The following GABRB1 variants were observed in gnomAD, a reference collection of about 807,000 sequenced individuals.
GABRB1 encodes the protein gamma-aminobutyric acid type A receptor subunit beta1, also known as gamma-aminobutyric acid receptor subunit beta-1.
In GABRB1, 17 loss-of-function variants were observed where a neutral mutation model predicts 51.6. That is an observed-to-expected ratio of 0.33 (90% CI 0.23 to 0.49). The LOEUF (loss-of-function observed/expected upper bound fraction) is 0.49, where lower values mean the gene tolerates loss of function less well. Among genes scored for constraint, GABRB1 ranks in the 20% least tolerant of loss-of-function variants. The pLI, the probability that GABRB1 is intolerant of heterozygous loss-of-function variation, is 0.99. For missense variants in GABRB1, 410 were observed against 600.6 expected (o/e 0.68, Z 3.32); for synonymous variants, 247 against 218.9 (o/e 1.13, Z -1.14).
Position 47,329,535 on chromosome 4 carries a change from G to A in GABRB1, c.544+9326G>A, listed in dbSNP as rs533626485. Among the ~76,000 whole-genome samples, 194 of 148,234 alleles carry A rather than the reference G, an allele frequency of 1.3e-3. 1 individual carries two copies. The highest frequency in any genetic ancestry group is 4.4e-3 in the African/African-American group (179 of 40,772). ...ATATTTTTAGAAATGTATACATTTA[G>A]AAATATATATATATTTAGAATAGAA... On this transcript the variant is annotated intron_variant, in intron 5 of 8. Coordinates refer to ENST00000295454, the MANE Select transcript of GABRB1 (RefSeq NM_000812.4).
At chr4:47,024,113 TTTG>T (rs1338267707) in intron 1 of GABRB1, among the ~76,000 whole-genome samples, 5 of 151,960 alleles carry the variant, frequency 3.3e-5, no homozygotes, top group African/African-American at 7.2e-5. Flanking sequence ...AATCTTAGTT[TTTG>T]TTGTTGTTTT....
intron 4 of GABRB1, among the ~76,000 whole-genome samples, chr4:47,250,662 T>A (rs1262353453): frequency 6.6e-6 from 1 of 152,176 alleles, no homozygotes; most frequent in Non-Finnish European, 1.5e-5. Context: ...TATTCTTTTC[T>A]CTTTATCTTT....
chr4:47,358,711 G>C (rs1353435980), intron 5 of GABRB1, among the ~76,000 whole-genome samples: 1 of 152,068 alleles, frequency 6.6e-6, no homozygotes, highest in African/African-American at 2.4e-5. Flanking sequence ...GTCAGAATCT[G>C]AAGTTAGAAC....
chr4:47,380,575 G>A (rs1162048988), intron 5 of GABRB1, among the ~76,000 whole-genome samples: 1 of 152,174 alleles, frequency 6.6e-6, no homozygotes, highest in Non-Finnish European at 1.5e-5. Context: ...TTACTAACAT[G>A]AACTTCTGGA....
At chr4:47,409,175 C>T (rs955492458) in intron 8 of GABRB1, among the ~76,000 whole-genome samples, 4 of 152,142 alleles carry the variant, frequency 2.6e-5, no homozygotes, top group Non-Finnish European at 5.9e-5. Context: ...GTGCCTGCGA[C>T]TCCCGAAGCC....
At chr4:47,374,062 C>A (rs895127751) in intron 5 of GABRB1, among the ~76,000 whole-genome samples, 7 of 152,130 alleles carry the variant, frequency 4.6e-5, no homozygotes, top group African/African-American at 1.7e-4. Flanking sequence ...ATACACCATG[C>A]AAAGCCCTTG....
chr4:47,125,292 C>A (rs1231497541), intron 3 of GABRB1, among the ~76,000 whole-genome samples: 2 of 152,018 alleles, frequency 1.3e-5, no homozygotes, highest in East Asian at 3.9e-4. Context: ...TCACCATTAG[C>A]CCTGCCTTAC....
Position 47,031,795 on chromosome 4 carries a change from T to C in GABRB1, c.80+64T>C. The C allele has an allele frequency of 3.9e-6, 6 of 1,532,826 alleles. No individual in the cohort carries two copies. In the South Asian group the frequency reaches 6.7e-5, roughly 17 times the overall value. 95.0% of individuals were successfully genotyped at this position (1,532,826 alleles called of 1,614,324 possible). A position where few individuals can be genotyped will look rare whatever the true frequency, so the allele number is the denominator to read the frequency against. ...CTCTCTTTTTTTCTTGGTATGTTTC[T>C]TTTTACGTGTCTGCTGGATCATGTA... is the stretch of plus-strand genomic sequence containing the variant. On this transcript the variant is annotated intron_variant, in intron 1 of 8. Coordinates refer to ENST00000295454, the MANE Select transcript of GABRB1 (RefSeq NM_000812.4).
At chr4:47,113,850 A>G (rs1715348340) in intron 3 of GABRB1, among the ~76,000 whole-genome samples, 1 of 152,176 alleles carries the variant, frequency 6.6e-6, no homozygotes, top group Non-Finnish European at 1.5e-5. Flanking sequence ...TCTGTTTTCA[A>G]TTTATTCTCC....
At chr4:47,350,001 A>G (rs1183661770) in intron 5 of GABRB1, among the ~76,000 whole-genome samples, 1 of 152,010 alleles carries the variant, frequency 6.6e-6, no homozygotes, top group Non-Finnish European at 1.5e-5. Context: ...TTTCCATGAA[A>G]ATGCTAAGGA....
intron 4 of GABRB1, among the ~76,000 whole-genome samples, chr4:47,169,394 T>C (rs1229516063): frequency 2.0e-5 from 3 of 152,316 alleles, no homozygotes; most frequent in East Asian, 1.9e-4. Context: ...GGTTAGTATT[T>C]TGTTGTCTCA....
intron 3 of GABRB1, among the ~76,000 whole-genome samples, chr4:47,097,507 T>A (rs1174485956): frequency 6.6e-6 from 1 of 152,212 alleles, no homozygotes; most frequent in Non-Finnish European, 1.5e-5. Flanking sequence ...CTTGCTCATT[T>A]TTCTGTCACA....
chr4:47,335,095 C>T (rs910953620), intron 5 of GABRB1, among the ~76,000 whole-genome samples: 1 of 152,122 alleles, frequency 6.6e-6, no homozygotes, highest in African/African-American at 2.4e-5. Flanking sequence ...TTTTAAGTAA[C>T]CTAGTCCCTT....
At chr4:47,239,592 C>T (rs971304778) in intron 4 of GABRB1, among the ~76,000 whole-genome samples, 7 of 152,242 alleles carry the variant, frequency 4.6e-5, no homozygotes, top group East Asian at 1.9e-4. Flanking sequence ...GCAACTGCTA[C>T]GAGAAACAGA....
intron 3 of GABRB1, among the ~76,000 whole-genome samples, chr4:47,052,539 A>T (rs1437153934): frequency 6.6e-6 from 1 of 152,226 alleles, no homozygotes; most frequent in African/African-American, 2.4e-5. Flanking sequence ...ACTCCGAAGT[A>T]CGGAGCTAGT....
chr4:47,351,450 G>A (rs532352031), intron 5 of GABRB1, among the ~76,000 whole-genome samples: 1 of 152,104 alleles, frequency 6.6e-6, no homozygotes, highest in African/African-American at 2.4e-5. Flanking sequence ...GGGTACATGT[G>A]CACGATGTGC....
Position 47,425,382 on chromosome 4 carries a change from C to CACACACACACACAT in GABRB1, c.1081-279_1081-278insTACACACACACACA, listed in dbSNP as rs1464865743. Among the ~76,000 whole-genome samples, 203 of 143,858 alleles carry CACACACACACACAT rather than the reference C, an allele frequency of 1.4e-3. 2 individuals are homozygous for CACACACACACACAT. Among genetic ancestry groups the CACACACACACACAT allele is most frequent in the African/African-American group, 4.7e-3 (184 of 39,200 alleles). The allele number at this position is 143,858 out of a possible 152,430, so 94.4% of individuals were successfully genotyped here. On this transcript the variant is annotated intron_variant, in intron 8 of 8. Transcript: ENST00000295454. ...TTTTATAACAAGAAGAAATACCACA[C>CACACACACACACAT]ACACACACACACACACACACACACA...
At chr4:47,139,114 T>C (rs921190324) in intron 3 of GABRB1, among the ~76,000 whole-genome samples, 1 of 151,976 alleles carries the variant, frequency 6.6e-6, no homozygotes, top group Admixed American at 6.6e-5. Context: ...TTAAATAAAT[T>C]TATCAGGACT....
At chr4:47,269,411 C>T (rs891853149) in intron 4 of GABRB1, among the ~76,000 whole-genome samples, 2 of 152,042 alleles carry the variant, frequency 1.3e-5, no homozygotes, top group African/African-American at 4.8e-5. Flanking sequence ...TTCATTGGAG[C>T]TAATTAAATA....
Sources: gnomAD v4.1 joint callset for allele counts (sites outside exome capture counted in the v4.1 genomes callset) on GRCh38, gnomAD v4.1.1 for gene constraint, MANE v1.5 for transcripts, NCBI Gene and HGNC (gene_info 2026-07-23, HGNC 2026-07-21) for gene names.